HLCS: variants seen among roughly 807,000 people sequenced by gnomAD.
HLCS encodes the protein biotin--protein ligase.
HLCS carries 53 observed loss-of-function variants against 75.0 expected under a neutral mutation model. That is an observed-to-expected ratio of 0.71 (90% CI 0.57 to 0.89). The LOEUF (loss-of-function observed/expected upper bound fraction) is 0.89. Ranked by LOEUF, HLCS falls within the 40% of genes least tolerant of loss-of-function variation. HLCS has a pLI of 0.00. For missense variants in HLCS, 966 were observed against 1,074.0 expected (o/e 0.90, Z 1.41); for synonymous variants, 431 against 428.6 (o/e 1.01, Z -0.07).
chr21:36,988,682 G>A (rs957321504), intron 1 of HLCS, among the ~76,000 whole-genome samples: 2 of 152,172 alleles, frequency 1.3e-5, no homozygotes, highest in African/African-American at 2.4e-5. Flanking sequence ...AGCAATGTAT[G>A]AGAGCATCTG....
chr21:36,810,242 C>T (rs1462435513), intron 6 of HLCS, among the ~76,000 whole-genome samples: 4 of 152,110 alleles, frequency 2.6e-5, no homozygotes, highest in Non-Finnish European at 2.9e-5. Context: ...TGGGATTTTG[C>T]GATTTTTCTT....
chr21:36,841,684 G>A (rs116439412), intron 6 of HLCS, among the ~76,000 whole-genome samples: 5,910 of 152,304 alleles, frequency 0.039, 141 homozygotes, highest in African/African-American at 0.054. Flanking sequence ...TGCAACGTAC[G>A]ATTCTTGTGA....
intron 1 of HLCS, among the ~76,000 whole-genome samples, chr21:36,985,740 T>C (rs1024036233): frequency 1.3e-4 from 20 of 151,308 alleles, no homozygotes; most frequent in Admixed American, 4.0e-4. Flanking sequence ...CACTCCAGCC[T>C]GGGTGACAGA....
At chr21:36,956,352 G>A (rs1055851997) in intron 2 of HLCS, among the ~76,000 whole-genome samples, 2 of 152,138 alleles carry the variant, frequency 1.3e-5, no homozygotes, top group African/African-American at 4.8e-5. Flanking sequence ...AACCAACGAT[G>A]AGAGTACATT....
intron 1 of HLCS, among the ~76,000 whole-genome samples, chr21:36,988,875 T>C (rs939536006): frequency 6.6e-6 from 1 of 152,172 alleles, no homozygotes; most frequent in Non-Finnish European, 1.5e-5. Flanking sequence ...CTATTTGGTC[T>C]TTGCTTCCCT....
At chr21:36,965,925 T>G (rs926088669) in intron 1 of HLCS, among the ~76,000 whole-genome samples, 2 of 24,862 alleles carry the variant, frequency 8.0e-5, no homozygotes, top group African/African-American at 2.4e-4. Flanking sequence ...TAAGTGTTTT[T>G]TTTGTTTTGT....
At chr21:36,898,414 C>A (rs1361816894) in intron 5 of HLCS, among the ~76,000 whole-genome samples, 1 of 134,592 alleles carries the variant, frequency 7.4e-6, no homozygotes, top group African/African-American at 3.0e-5. Context: ...CCACTGCACT[C>A]CAGCCTGGCA....
Position 36,930,369 on chromosome 21 carries a change from T to C in HLCS, c.1502A>G (p.Lys501Arg). ...VQTPEDFNLL[K>R]SSNFRRYEVL... The stretch of plus-strand genomic sequence containing the variant: ...TTCGTATCTTCTAAAATTGCTTGAC[T>C]TGAGCAAGTTAAAATCTTCTGGAGT... Residue 501 changes from lysine to arginine, a missense_variant, in exon 5 of 11, where the codon AAG becomes AGG. Physicochemically the swap from Lys to Arg is conservative, Grantham distance 26 (BLOSUM62 2). Transcript: ENST00000674895. The C allele has an allele frequency of 6.2e-7, 1 of 1,614,152 alleles. No individual in the cohort carries two copies. The highest frequency in any genetic ancestry group is 1.1e-5 in the South Asian group (1 of 91,074).
intron 6 of HLCS, among the ~76,000 whole-genome samples, chr21:36,893,717 CA>C (rs1318568227): frequency 2.6e-5 from 4 of 152,328 alleles, no homozygotes; most frequent in East Asian, 1.9e-4. Context: ...GCTGATCTGA[CA>C]GGGGGCGGGG....
At chr21:36,813,254 A>G (rs1359614904) in intron 6 of HLCS, among the ~76,000 whole-genome samples, 1 of 152,234 alleles carries the variant, frequency 6.6e-6, no homozygotes, top group Non-Finnish European at 1.5e-5. Context: ...GCAAACATGC[A>G]GCCAAACAAC....
At chr21:36,828,480 C>T (rs895118233) in intron 6 of HLCS, among the ~76,000 whole-genome samples, 4 of 152,184 alleles carry the variant, frequency 2.6e-5, no homozygotes, top group Non-Finnish European at 5.9e-5. Context: ...CTGAACAAAA[C>T]TCTTTTTTTC....
At chr21:36,987,265 T>G (rs1336534983) in intron 1 of HLCS, among the ~76,000 whole-genome samples, 1 of 152,102 alleles carries the variant, frequency 6.6e-6, no homozygotes, top group Non-Finnish European at 1.5e-5. Flanking sequence ...GCTACTTGGG[T>G]GGCCCTGCTC....
chr21:36,908,981 T>G lies in HLCS; in HGVS notation c.1621-11850A>C, dbSNP rs1171390745. On this transcript the variant is annotated intron_variant, in intron 5 of 10. Coordinates refer to ENST00000674895, the MANE Select transcript of HLCS (RefSeq NM_001352514.2). ...AGGCTGAGGCGGGCGGATCACAAGG[T>G]CAGGAGATCGAGACCATCCTGGCTA... is the stretch of plus-strand genomic sequence containing the variant. 2.6e-5 allele frequency among the ~76,000 whole-genome samples: 4 copies of G among 152,086 alleles called. No homozygotes were observed. The East Asian group carries it at 7.7e-4, about 29-fold the overall frequency.
intron 6 of HLCS, among the ~76,000 whole-genome samples, chr21:36,845,183 T>C (rs2062754109): frequency 6.6e-6 from 1 of 152,128 alleles, no homozygotes; most frequent in Non-Finnish European, 1.5e-5. Flanking sequence ...CTGCACACCT[T>C]TTGCCTCACG....
chr21:36,939,888 A>C (rs1481078811), intron 2 of HLCS, among the ~76,000 whole-genome samples: 1 of 152,110 alleles, frequency 6.6e-6, no homozygotes, highest in Non-Finnish European at 1.5e-5. Context: ...TACTCTACTA[A>C]AAATACAAAA....
At chr21:36,871,848 A>G (rs1159035189) in intron 6 of HLCS, among the ~76,000 whole-genome samples, 1 of 152,230 alleles carries the variant, frequency 6.6e-6, no homozygotes, top group Non-Finnish European at 1.5e-5. Context: ...TCACAAATTA[A>G]GAATGCCAGC....
chr21:36,821,622 C>T (rs1249068566), intron 6 of HLCS, among the ~76,000 whole-genome samples: 1 of 152,232 alleles, frequency 6.6e-6, no homozygotes, highest in Non-Finnish European at 1.5e-5. Flanking sequence ...AGTACTTCTG[C>T]AACCCAAATG....
In HLCS at chr21:36,888,443, AAAATATAT is replaced by A. The variant is rs1257822716; in HGVS notation, c.1892+8409_1892+8416del. Among the ~76,000 whole-genome samples the A allele has an allele frequency of 5.1e-3, 143 of 28,288 alleles. 2 individuals are homozygous for A. Among genetic ancestry groups the A allele is most frequent in the South Asian group, 0.014 (8 of 552 alleles). 18.6% of individuals were successfully genotyped at this position (28,288 alleles called of 152,430 possible). On this transcript the variant is annotated intron_variant, in intron 6 of 10. Coordinates refer to ENST00000674895, the MANE Select transcript of HLCS (RefSeq NM_001352514.2). ...GCCCCCTTCCCATTTAAAAAAAAAA[AAAATATAT>A]ATATATATATATATATATATATATA...
At chr21:36,847,004 C>A (rs530492221) in intron 6 of HLCS, among the ~76,000 whole-genome samples, 9 of 152,190 alleles carry the variant, frequency 5.9e-5, no homozygotes, top group Non-Finnish European at 1.2e-4. Context: ...CACAAAAAAT[C>A]TAATTCATTT....
Sources: allele counts gnomAD v4.1 joint callset (sites outside exome capture counted in the v4.1 genomes callset), GRCh38; gene constraint gnomAD v4.1.1; transcripts MANE v1.5; gene names NCBI Gene and HGNC (gene_info 2026-07-23, HGNC 2026-07-21).